NCOA2: variants seen among roughly 807,000 people sequenced by gnomAD.
NCOA2 encodes nuclear receptor coactivator 2.
A neutral mutation model predicts 145.1 loss-of-function variants in NCOA2; 21 were observed. The ratio of observed to expected loss-of-function variants is 0.14; its 90% CI spans 0.10 to 0.21. The LOEUF (loss-of-function observed/expected upper bound fraction) is 0.21, where lower values mean the gene tolerates loss of function less well. Among genes scored for constraint, NCOA2 ranks in the 10% least tolerant of loss-of-function variants. The probability of loss-of-function intolerance (pLI) is 1.00; values close to 1 mark genes in which losing one functional copy is unlikely to be tolerated. For synonymous variants in NCOA2, 619 were observed against 637.5 expected (o/e 0.97, Z 0.44); for missense variants, 1,472 against 1,837.6 (o/e 0.80, Z 3.64).
At chr8:70,340,651 T>G (rs1808046895) in intron 1 of NCOA2, among the ~76,000 whole-genome samples, 1 of 152,208 alleles carries the variant, frequency 6.6e-6, no homozygotes. Context: ...ATGCATATGT[T>G]CACTGCAGCA....
chr8:70,338,589 G>A (rs866367120), intron 1 of NCOA2, among the ~76,000 whole-genome samples: 62 of 152,080 alleles, frequency 4.1e-4, no homozygotes, highest in African/African-American at 1.4e-3. Context: ...CTCATTCTAC[G>A]AGGCCAGCAT....
At chr8:70,249,399 G>C (rs1478449001) in intron 2 of NCOA2, among the ~76,000 whole-genome samples, 1 of 152,224 alleles carries the variant, frequency 6.6e-6, no homozygotes, top group Non-Finnish European at 1.5e-5. Context: ...CATGCACTCA[G>C]AGTTAGACTT....
rs146715005 is a variant in NCOA2, at chr8:70,115,071, T to C, written c.4384-1428A>G. 9.1e-3 allele frequency among the ~76,000 whole-genome samples: 1,383 copies of C among 152,308 alleles called. 24 individuals are homozygous for C. The highest frequency in any genetic ancestry group is 0.017 in the Middle Eastern group (5 of 294). On this transcript the variant is annotated intron_variant, in intron 22 of 22. Coordinates refer to ENST00000452400, the MANE Select transcript of NCOA2 (RefSeq NM_006540.4). The stretch of plus-strand genomic sequence containing the variant: ...TATGATTTCATATAAAAACACTCCA[T>C]GGTGCTGATTAAAATATGAAAAACC...
intron 2 of NCOA2, among the ~76,000 whole-genome samples, chr8:70,294,064 C>G (rs1050355996): frequency 6.6e-6 from 1 of 151,920 alleles, no homozygotes; most frequent in Admixed American, 6.6e-5. Flanking sequence ...AATTTAAGAC[C>G]CAAAATATAA....
the NCOA2 span, among the ~76,000 whole-genome samples, chr8:70,452,466 G>A: frequency 6.6e-6 from 1 of 152,170 alleles, no homozygotes; most frequent in Non-Finnish European, 1.5e-5. Flanking sequence ...CTCCTGTTGT[G>A]TGATTCCATT....
intron 2 of NCOA2, among the ~76,000 whole-genome samples, chr8:70,237,713 T>C (rs527274461): frequency 6.6e-6 from 1 of 152,052 alleles, no homozygotes; most frequent in Non-Finnish European, 1.5e-5. Flanking sequence ...GAGACTCTAG[T>C]GAGCCAAAAT....
chr8:70,144,248 G>A (rs1277805960), intron 13 of NCOA2, among the ~76,000 whole-genome samples: 1 of 152,106 alleles, frequency 6.6e-6, no homozygotes, highest in African/African-American at 2.4e-5. Flanking sequence ...ATAAAAGGTT[G>A]GTTGAATTTT....
chr8:70,416,194 TG>T, the NCOA2 span, among the ~76,000 whole-genome samples: 943 of 137,982 alleles, frequency 6.8e-3, 12 homozygotes, highest in African/African-American at 0.026. Context: ...TCAGTTTTTT[TG>T]TTTTTTTTTT....
intron 12 of NCOA2, among the ~76,000 whole-genome samples, chr8:70,147,802 T>C (rs1811269606): frequency 6.6e-6 from 1 of 152,122 alleles, no homozygotes; most frequent in Admixed American, 6.5e-5. Flanking sequence ...TAGTAGAATA[T>C]TTTATTATTT....
At chr8:70,246,062 AG>A (rs1298559816) in intron 2 of NCOA2, among the ~76,000 whole-genome samples, 2 of 152,154 alleles carry the variant, frequency 1.3e-5, no homozygotes, top group Non-Finnish European at 2.9e-5. Flanking sequence ...AATAATAATC[AG>A]AAGTTCCTTT....
rs1175227913 is a variant in NCOA2 at position 70,164,989 on chromosome 8, T to A, written c.731-1423A>T. On this transcript the variant is annotated intron_variant, in intron 7 of 22. Coordinates refer to ENST00000452400, the MANE Select transcript of NCOA2 (RefSeq NM_006540.4). Reference sequence around the variant, plus strand: ...ACCTTCGGCAAAGCCAGGATTAGAATCTGAGCATGCCATGGCTCAGAAACC... The same window carrying A: ...ACCTTCGGCAAAGCCAGGATTAGAAACTGAGCATGCCATGGCTCAGAAACC... Among the ~76,000 whole-genome samples the A allele has an allele frequency of 8.5e-5, 13 of 152,280 alleles. 1 individual carries two copies. The East Asian group carries it at 2.3e-3, about 27-fold the overall frequency.
intron 1 of NCOA2, among the ~76,000 whole-genome samples, chr8:70,349,537 T>C (rs948116986): frequency 2.6e-5 from 4 of 152,082 alleles, no homozygotes; most frequent in Non-Finnish European, 4.4e-5. Context: ...AAACTCCGTA[T>C]AGAAGGAAGC....
At chr8:70,124,575 T>A (rs762272119) in intron 20 of NCOA2, 113 bp downstream of exon 20, 1 of 1,105,680 alleles carries the variant, frequency 9.0e-7, no homozygotes, top group African/African-American at 1.6e-5. Flanking sequence ...CCATCCTTTA[T>A]CACTACGTTT....
chr8:70,377,062 G>A (rs7012908), intron 1 of NCOA2, among the ~76,000 whole-genome samples: 15,847 of 125,506 alleles, frequency 0.13, 1,275 homozygotes, highest in East Asian at 0.45. Context: ...CTTATACGTT[G>A]TGTTTTTTTT....
chr8:70,242,551 A>T (rs931751744), intron 2 of NCOA2, among the ~76,000 whole-genome samples: 1 of 152,128 alleles, frequency 6.6e-6, no homozygotes, highest in Non-Finnish European at 1.5e-5. Context: ...AACTGATTCT[A>T]AACCTTTTTC....
chr8:70,328,857 C>T (rs1806823768), intron 1 of NCOA2, among the ~76,000 whole-genome samples: 1 of 152,126 alleles, frequency 6.6e-6, no homozygotes, highest in Non-Finnish European at 1.5e-5. Context: ...CACAACATTG[C>T]TGATGAGAAT....
At chr8:70,154,822 T>C (rs930909931) in intron 11 of NCOA2, among the ~76,000 whole-genome samples, 6 of 152,200 alleles carry the variant, frequency 3.9e-5, no homozygotes, top group Admixed American at 3.9e-4. Flanking sequence ...GGTCAAAGGA[T>C]ACAAATTTCA....
chr8:70,435,936 C>T, the NCOA2 span, among the ~76,000 whole-genome samples: 5 of 152,214 alleles, frequency 3.3e-5, no homozygotes, highest in South Asian at 1.0e-3. Flanking sequence ...GTAGCTAGGA[C>T]TACAGGTGCG....
At chr8:70,326,911 T>C (rs1806637865) in intron 1 of NCOA2, among the ~76,000 whole-genome samples, 1 of 152,200 alleles carries the variant, frequency 6.6e-6, no homozygotes, top group African/African-American at 2.4e-5. Flanking sequence ...CTCAGCTACC[T>C]TACTGTGGTT....
Sources: allele counts gnomAD v4.1 joint callset (sites outside exome capture counted in the v4.1 genomes callset), GRCh38; gene constraint gnomAD v4.1.1; transcripts MANE v1.5; gene names NCBI Gene and HGNC (gene_info 2026-07-23, HGNC 2026-07-21).